AFF3: variants seen among roughly 807,000 people sequenced by gnomAD.
AFF3 encodes ALF transcription elongation factor 3.
A neutral mutation model predicts 129.7 loss-of-function variants in AFF3; 32 were observed. The observed-to-expected ratio is 0.25, with a 90% CI of 0.19 to 0.33. The LOEUF (loss-of-function observed/expected upper bound fraction) is 0.33, where lower values mean the gene tolerates loss of function less well. Among genes scored for constraint, AFF3 ranks in the 10% least tolerant of loss-of-function variants. The pLI, the probability that AFF3 is intolerant of heterozygous loss-of-function variation, is 1.00. For missense variants in AFF3, 1,373 were observed against 1,592.0 expected (o/e 0.86, Z 2.34); for synonymous variants, 644 against 635.4 (o/e 1.01, Z -0.20).
intron 4 of AFF3, among the ~76,000 whole-genome samples, chr2:100,021,499 G>C (rs1230891825): frequency 2.0e-5 from 3 of 152,162 alleles, no homozygotes. Flanking sequence ...ACCCCATTCA[G>C]ATCCTGAGTC....
At chr2:99,899,115 G>A (rs1694183734) in intron 7 of AFF3, among the ~76,000 whole-genome samples, 1 of 152,112 alleles carries the variant, frequency 6.6e-6, no homozygotes. Context: ...CTGGATTTTG[G>A]CAACACAAAT....
intron 2 of AFF3, among the ~76,000 whole-genome samples, chr2:100,113,879 G>T (rs1691621683): frequency 6.6e-6 from 1 of 152,088 alleles, no homozygotes; most frequent in African/African-American, 2.4e-5. Context: ...TTGCCTTGAG[G>T]TGGGGGGGTT....
chr2:99,687,529 T>C (rs1675190790), intron 11 of AFF3, among the ~76,000 whole-genome samples: 1 of 152,066 alleles, frequency 6.6e-6, no homozygotes, highest in East Asian at 1.9e-4. Flanking sequence ...GAGGCTGAGC[T>C]CCTAGAACTC....
chr2:99,735,742 C>A (rs924902835), intron 10 of AFF3, among the ~76,000 whole-genome samples: 3 of 152,220 alleles, frequency 2.0e-5, no homozygotes, highest in African/African-American at 7.2e-5. Context: ...ATCCGCCCAC[C>A]TCAGCCTCCT....
At chr2:99,989,035 T>C (rs529992859) in intron 7 of AFF3, among the ~76,000 whole-genome samples, 1 of 152,254 alleles carries the variant, frequency 6.6e-6, no homozygotes, top group African/African-American at 2.4e-5. Context: ...AGATATGGAA[T>C]GATGGGAGCA....
At chr2:99,993,990 G>C (rs1680607814) in intron 7 of AFF3, among the ~76,000 whole-genome samples, 1 of 151,440 alleles carries the variant, frequency 6.6e-6, no homozygotes. Context: ...ATTTTTAGTA[G>C]AGATGGGGTT....
intron 1 of AFF3, among the ~76,000 whole-genome samples, chr2:100,131,981 A>G (rs1408440651): frequency 2.0e-5 from 3 of 151,994 alleles, no homozygotes; most frequent in Non-Finnish European, 2.9e-5. Context: ...TGAGGGGTAC[A>G]TTGCTCCCAG....
At chr2:99,732,211 C>T (rs2043007) in intron 10 of AFF3, among the ~76,000 whole-genome samples, 85,566 of 151,694 alleles carry the variant, frequency 0.56, 24,315 homozygotes, top group East Asian at 0.69. Context: ...AAAAATTAGC[C>T]AGGCGTGGTG....
chr2:99,596,810 C>T (rs1005233643), intron 14 of AFF3, among the ~76,000 whole-genome samples: 1 of 152,174 alleles, frequency 6.6e-6, no homozygotes. Flanking sequence ...GCCTGGTATG[C>T]TTTAGGGTCA....
At chr2:99,558,154 A>G (rs746089996) in intron 22 of AFF3, among the ~76,000 whole-genome samples, 10 of 152,246 alleles carry the variant, frequency 6.6e-5, no homozygotes, top group Non-Finnish European at 1.2e-4. Flanking sequence ...AAATAACGCC[A>G]TTAAAAATTA....
chr2:99,836,344 C>G lies in AFF3; in HGVS notation c.921+1133G>C, dbSNP rs539877709. 2.0e-5 allele frequency among the ~76,000 whole-genome samples: 3 copies of G among 152,234 alleles called. No individual in the cohort carries two copies. The South Asian group carries it at 6.2e-4, about 32-fold the overall frequency. On this transcript the variant is annotated intron_variant, in intron 8 of 24. Transcript: ENST00000672756. ...GCATCTTAGGTTGATTGTTCTTTAA[C>G]TGGAAACAAAGCCCCAGAATAGAGA...
At chr2:100,037,337 T>C (rs1331597714) in intron 4 of AFF3, among the ~76,000 whole-genome samples, 1 of 148,320 alleles carries the variant, frequency 6.7e-6, no homozygotes, top group Non-Finnish European at 1.5e-5. Flanking sequence ...TCTGAACATG[T>C]GTGAAAGGCC....
intron 7 of AFF3, among the ~76,000 whole-genome samples, chr2:99,952,501 C>T (rs1676258731): frequency 6.6e-6 from 1 of 152,190 alleles, no homozygotes; most frequent in South Asian, 2.1e-4. Context: ...CTCTGTCCCG[C>T]TGCCCCCATC....
At chr2:99,558,000 G>C (rs1372278045) in intron 22 of AFF3, among the ~76,000 whole-genome samples, 1 of 152,148 alleles carries the variant, frequency 6.6e-6, no homozygotes, top group East Asian at 1.9e-4. Flanking sequence ...CATCAGCGAA[G>C]GCTTTTAAAA....
intron 7 of AFF3, among the ~76,000 whole-genome samples, chr2:99,906,194 C>A (rs1694703390): frequency 1.3e-5 from 2 of 152,206 alleles, no homozygotes; most frequent in South Asian, 4.1e-4. Context: ...CTACCTTTGA[C>A]TGTTTACTTT....
intron 8 of AFF3, among the ~76,000 whole-genome samples, chr2:99,756,048 A>C (rs1682070769): frequency 6.6e-6 from 1 of 152,178 alleles, no homozygotes; most frequent in African/African-American, 2.4e-5. Context: ...TAGGACACGG[A>C]CTTCTCTAAA....
rs543846024 is a variant in AFF3, at chr2:100,033,677, G to C, written c.54-24745C>G. The stretch of plus-strand genomic sequence containing the variant: ...AATTCTGATTTGCAAAACGGTCTAT[G>C]TTTTGTTAACAAATCAGCATTTCCC... On this transcript the variant is annotated intron_variant, in intron 4 of 24. Coordinates refer to ENST00000672756, the MANE Select transcript of AFF3 (RefSeq NM_001386135.1). 3.9e-5 allele frequency among the ~76,000 whole-genome samples: 6 copies of C among 152,202 alleles called. No individual in the cohort carries two copies. The South Asian group carries it at 1.2e-3, about 32-fold the overall frequency.
chr2:99,665,300 G>GT (rs1250910000), intron 12 of AFF3, among the ~76,000 whole-genome samples: 2 of 152,194 alleles, frequency 1.3e-5, no homozygotes, highest in African/African-American at 2.4e-5. Context: ...AAATACAATA[G>GT]TTTATACCAG....
chr2:99,694,511 C>T (rs768293460), intron 11 of AFF3, among the ~76,000 whole-genome samples: 1 of 152,088 alleles, frequency 6.6e-6, no homozygotes, highest in Non-Finnish European at 1.5e-5. Flanking sequence ...AGAACATGGA[C>T]GCCTACTAAT....
Sources: allele counts gnomAD v4.1 joint callset (sites outside exome capture counted in the v4.1 genomes callset), GRCh38; gene constraint gnomAD v4.1.1; transcripts MANE v1.5; gene names NCBI Gene and HGNC (gene_info 2026-07-23, HGNC 2026-07-21).